The following CUBN variants were observed in gnomAD, a reference collection of about 807,000 sequenced individuals.
CUBN encodes cubilin, also known as 460 kDa receptor.
Under a neutral mutation model 405.3 loss-of-function variants are expected in CUBN, and 282 were observed. The observed-to-expected ratio is 0.70, with a 90% CI of 0.63 to 0.77. The LOEUF (loss-of-function observed/expected upper bound fraction) is 0.77. CUBN is among the 30% of genes least tolerant of loss of function. The pLI, the probability that CUBN is intolerant of heterozygous loss-of-function variation, is 0.00. For missense variants in CUBN, 4,514 were observed against 4,475.2 expected (o/e 1.01, Z -0.25); for synonymous variants, 1,684 against 1,617.0 (o/e 1.04, Z -0.99).
chr10:17,036,797 A>C (rs536192390), intron 27 of CUBN, among the ~76,000 whole-genome samples: 2 of 152,220 alleles, frequency 1.3e-5, no homozygotes, highest in Non-Finnish European at 2.9e-5. Flanking sequence ...CATGCAAAAC[A>C]TTGATTTCTC....
intron 66 of CUBN, among the ~76,000 whole-genome samples, chr10:16,828,371 TG>T: frequency 6.6e-6 from 1 of 152,346 alleles, no homozygotes; most frequent in East Asian, 1.9e-4. Flanking sequence ...GTTGGAAAAC[TG>T]CTCAATTTGT....
chr10:16,866,653 A>C (rs999065902), intron 59 of CUBN, among the ~76,000 whole-genome samples: 26 of 152,238 alleles, frequency 1.7e-4, no homozygotes, highest in African/African-American at 5.3e-4. Flanking sequence ...AGAGTTTCAC[A>C]GATTGCTGCA....
At chr10:16,972,444 T>TG (rs1832962604) in intron 31 of CUBN, among the ~76,000 whole-genome samples, 1 of 15,522 alleles carries the variant, frequency 6.4e-5, no homozygotes, top group Non-Finnish European at 1.4e-4. Context: ...TCATTCACAA[T>TG]TTTTTTTTTT....
At chr10:16,831,769 G>C (rs1311945368) in intron 64 of CUBN, among the ~76,000 whole-genome samples, 1 of 152,176 alleles carries the variant, frequency 6.6e-6, no homozygotes, top group African/African-American at 2.4e-5. Flanking sequence ...ATTTTTAAAA[G>C]GTGGAGATGG....
At chr10:16,833,841 C>G (rs187950375) in intron 64 of CUBN, among the ~76,000 whole-genome samples, 4 of 151,922 alleles carry the variant, frequency 2.6e-5, no homozygotes, top group Non-Finnish European at 5.9e-5. Flanking sequence ...TCCTCTTGGG[C>G]AGCTTATTTT....
chr10:16,967,333 C>G (rs1314242938), intron 31 of CUBN, among the ~76,000 whole-genome samples: 1 of 152,152 alleles, frequency 6.6e-6, no homozygotes, highest in African/African-American at 2.4e-5. Context: ...CTCAAAGATT[C>G]CTGGAAATGT....
intron 59 of CUBN, among the ~76,000 whole-genome samples, chr10:16,861,877 G>T (rs897150448): frequency 6.6e-6 from 1 of 151,926 alleles, no homozygotes; most frequent in Non-Finnish European, 1.5e-5. Flanking sequence ...GGGGCTGGGC[G>T]CAGTGGCTCA....
Position 16,867,132 on chromosome 10 carries a change from C to T in CUBN, c.9454+2504G>A, listed in dbSNP as rs1840210779. ...AAATGTCATAGACTAAAATGGTCTC[C>T]TCTTCACATCAATTATTTACTAAGT... On this transcript the variant is annotated intron_variant, in intron 59 of 66. Coordinates refer to ENST00000377833, the MANE Select transcript of CUBN (RefSeq NM_001081.4). Among the ~76,000 whole-genome samples, 7 of 152,294 alleles carry T rather than the reference C, an allele frequency of 4.6e-5. No individual in the cohort carries two copies. The South Asian group carries it at 1.4e-3, about 32-fold the overall frequency.
rs145800090 is a variant in CUBN, at chr10:17,045,361, T to A, written c.3491-173A>T. ...AAAATCCAATTTTTATTTTTTTCTA[T>A]TTTTTTTTTTTTTTTTGAGATGGAG... On this transcript the variant is annotated intron_variant, in intron 24 of 66. Coordinates refer to ENST00000377833, the MANE Select transcript of CUBN (RefSeq NM_001081.4). Among the ~76,000 whole-genome samples, 11,498 of 96,232 alleles carry A rather than the reference T, an allele frequency of 0.12. 619 individuals are homozygous for A. Among genetic ancestry groups the A allele is most frequent in the East Asian group, 0.28 (1,315 of 4,766 alleles). 63.1% of individuals were successfully genotyped at this position (96,232 alleles called of 152,430 possible). A position where few individuals can be genotyped will look rare whatever the true frequency, so the allele number is the denominator to read the frequency against.
At chr10:16,869,499 C>A in intron 59 of CUBN, 137 bp downstream of exon 59, 1 of 746,414 alleles carries the variant, frequency 1.3e-6, no homozygotes, top group Non-Finnish European at 2.4e-6. Flanking sequence ...TAAAACCAAG[C>A]CCTTACATGG....
chr10:16,935,893 A>AAG (rs1054984550), intron 39 of CUBN, among the ~76,000 whole-genome samples: 2 of 150,962 alleles, frequency 1.3e-5, no homozygotes, highest in East Asian at 1.9e-4. Context: ...AAAAAAAAAA[A>AAG]AAAGAAAAAA....
intron 58 of CUBN, among the ~76,000 whole-genome samples, chr10:16,873,870 A>G (rs573994037): frequency 1.9e-4 from 29 of 152,300 alleles, no homozygotes; most frequent in African/African-American, 6.7e-4. Flanking sequence ...AAGCAATTTG[A>G]TCCTTCTGAG....
At chr10:17,067,309 G>T (rs1210823182) in intron 21 of CUBN, among the ~76,000 whole-genome samples, 1 of 152,070 alleles carries the variant, frequency 6.6e-6, no homozygotes, top group Non-Finnish European at 1.5e-5. Flanking sequence ...TAGAGACATG[G>T]ACTACATATA....
At chr10:16,970,762 CT>C (rs1213148973) in intron 31 of CUBN, among the ~76,000 whole-genome samples, 2 of 152,136 alleles carry the variant, frequency 1.3e-5, no homozygotes, top group African/African-American at 4.8e-5. Context: ...TTAATTTCTA[CT>C]TAGCCTTGAC....
At chr10:16,891,763 A>T (rs995324214) in intron 54 of CUBN, among the ~76,000 whole-genome samples, 1 of 152,188 alleles carries the variant, frequency 6.6e-6, no homozygotes, top group African/African-American at 2.4e-5. Context: ...AGCTCGTCCT[A>T]GTTCAGAGGT....
intron 28 of CUBN, among the ~76,000 whole-genome samples, chr10:16,995,378 T>G (rs1833704895): frequency 1.3e-5 from 2 of 152,250 alleles, no homozygotes; most frequent in South Asian, 4.1e-4. Context: ...TCTATAGCTG[T>G]ATGAATACTT....
At chr10:17,114,936 C>T (rs1049462510) in intron 7 of CUBN, among the ~76,000 whole-genome samples, 15 of 152,118 alleles carry the variant, frequency 9.9e-5, no homozygotes, top group Admixed American at 2.6e-4. Flanking sequence ...AGAGTCATGA[C>T]GGGATAATAA....
rs886046872 is a variant in CUBN, at chr10:16,933,250, T to C, written c.5961A>G (p.Ala1987=). 3.1e-6 allele frequency: 5 copies of C among 1,613,792 alleles called. No homozygotes were observed. The highest frequency in any genetic ancestry group is 4.2e-6 in the Non-Finnish European group (5 of 1,179,936). The change falls in exon 40 of 67, where the codon GCA becomes GCG. Residue 1987 remains alanine, a synonymous_variant. Transcript: ENST00000377833. Reference sequence around the variant, plus strand: ...AGCCCGGGGAGAAGAGAAACACGGGTGCATCTCCCGTCCTCAGGAAGCCAC... The same window carrying C: ...AGCCCGGGGAGAAGAGAAACACGGGCGCATCTCCCGTCCTCAGGAAGCCAC... ...ACGGFLRTGD[A]PVFLFSPGWP... is the part of the protein sequence containing the mutation.
At chr10:16,928,532 C>CCTCTTT (rs1403918589) in intron 40 of CUBN, among the ~76,000 whole-genome samples, 1 of 107,122 alleles carries the variant, frequency 9.3e-6, no homozygotes. Context: ...CCACCCCCCC[C>CCTCTTT]TTTTTTTTTT....
Sources: allele counts gnomAD v4.1 joint callset (sites outside exome capture counted in the v4.1 genomes callset), GRCh38; gene constraint gnomAD v4.1.1; transcripts MANE v1.5; gene names NCBI Gene and HGNC (gene_info 2026-07-23, HGNC 2026-07-21).